Variants in SF3B1 observed in about 807,000 individuals in gnomAD.
SF3B1 encodes splicing factor 3b subunit 1.
In SF3B1, 12 loss-of-function variants were observed where a neutral mutation model predicts 153.8. That is an observed-to-expected ratio of 0.08 (90% CI 0.05 to 0.13). The LOEUF (loss-of-function observed/expected upper bound fraction) is 0.13. Ranked by LOEUF, SF3B1 falls within the 10% of genes least tolerant of loss-of-function variation. SF3B1 has a pLI of 1.00. For missense variants in SF3B1, 513 were observed against 1,606.1 expected (o/e 0.32, Z 11.63); for synonymous variants, 498 against 525.2 (o/e 0.95, Z 0.71).
At chr2:197,407,924 C>T (rs2085016202) in intron 9 of SF3B1, 74 bp downstream of exon 9, 1 of 1,407,860 alleles carries the variant, frequency 7.1e-7, no homozygotes, top group African/African-American at 1.4e-5. Context: ...CCAATGCAAG[C>T]TTAATCAATT....
In SF3B1 at chr2:197,402,506, C is replaced by A. The variant is rs1378581351; in HGVS notation, c.2077+50G>T. 2 of 1,537,718 alleles carry A rather than the reference C, an allele frequency of 1.3e-6. No individual in the cohort carries two copies. The highest frequency in any genetic ancestry group is 3.6e-5 in the Admixed American group (2 of 55,050). On this transcript the variant is annotated intron_variant, in intron 14 of 24. Coordinates refer to ENST00000335508, the MANE Select transcript of SF3B1 (RefSeq NM_012433.4). This position sits in a 1 kb window ranked among gnomAD's most constrained non-coding sequence, Gnocchi z 4.6. Reference sequence around the variant, plus strand: ...TCCAGTCTGGGCAACATAGTAAGACCCTGTCTCCTAAAGAAAAAAAAAAAA... The same window carrying A: ...TCCAGTCTGGGCAACATAGTAAGACACTGTCTCCTAAAGAAAAAAAAAAAA...
At chr2:197,411,926 T>C (rs996941756) in intron 6 of SF3B1, among the ~76,000 whole-genome samples, 1 of 151,742 alleles carries the variant, frequency 6.6e-6, no homozygotes, top group African/African-American at 2.4e-5. Flanking sequence ...CAAAAGCCCA[T>C]CTCTACTAAA....
At chr2:197,406,456 A>C (rs1476690074) in intron 9 of SF3B1, among the ~76,000 whole-genome samples, 1 of 152,178 alleles carries the variant, frequency 6.6e-6, no homozygotes, top group Non-Finnish European at 1.5e-5. Context: ...ATTTTGGATA[A>C]AGTGGATACT....
In SF3B1 at chr2:197,401,126, T is replaced by C. The variant is rs888001328; in HGVS notation, c.2497-190A>G. ...ATCGAAAAATGAGTATAAGTTAACA[T>C]GATTCAAGGTAAAACTGTGTCCATG... On this transcript the variant is annotated intron_variant, in intron 17 of 24. Transcript: ENST00000335508. This position sits in a 1 kb window ranked among gnomAD's most constrained non-coding sequence, Gnocchi z 4.2. Among the ~76,000 whole-genome samples, 2 of 152,200 alleles carry C rather than the reference T, an allele frequency of 1.3e-5. No homozygotes were observed. The highest frequency in any genetic ancestry group is 6.5e-5 in the Admixed American group (1 of 15,282).
chr2:197,397,044 T>A (rs2084883060), intron 22 of SF3B1, among the ~76,000 whole-genome samples: 1 of 152,230 alleles, frequency 6.6e-6, no homozygotes, highest in Admixed American at 6.5e-5. Context: ...ACATGTGGTG[T>A]CTCGTTTTCT....
chr2:197,427,044 T>C (rs189913149), intron 1 of SF3B1, among the ~76,000 whole-genome samples: 1 of 152,342 alleles, frequency 6.6e-6, no homozygotes, highest in East Asian at 1.9e-4. Context: ...TAATTTCAGC[T>C]ACTGAATTTT....
intron 9 of SF3B1, among the ~76,000 whole-genome samples, chr2:197,405,913 C>A (rs2084986155): frequency 6.6e-6 from 1 of 151,976 alleles, no homozygotes; most frequent in Non-Finnish European, 1.5e-5. Context: ...CACATAAATT[C>A]TTGCACTACA....
chr2:197,403,600 A>G lies in SF3B1; in HGVS notation c.1704T>C (p.Arg568=), dbSNP rs1194177502. 6.4e-7 allele frequency: 1 copy of G among 1,562,638 alleles called. No individual in the cohort carries two copies. Among genetic ancestry groups the G allele is most frequent in the Non-Finnish European group, 8.6e-7 (1 of 1,163,752 alleles). ...GAGAACAAACCTTATGCACATATGG[A>G]CGAACTAAGTCATCAAGTTTGTACA... The part of the protein sequence containing the change: ...RILYKLDDLV[R]PYVHKILVVI... The change falls in exon 12 of 25, where the codon CGT becomes CGC. Residue 568 remains arginine (R), a synonymous_variant. Transcript: ENST00000335508.
chr2:197,420,472 C>T lies in SF3B1; in HGVS notation c.371G>A (p.Arg124Gln), dbSNP rs2106010524. ...DREDEYKKHR[R>Q]TMIISPERLD... ...ACGCTCTGGGGAAATTATCATGGTC[C>T]GCCTATGCTTTTTGTATTCATCTTC... Residue 124 changes from arginine (R) to glutamine (Q), a missense_variant, in exon 4 of 25, where the codon CGG (arginine) becomes CAG (glutamine). Physicochemically the swap from Arg to Gln is conservative, Grantham distance 43. Transcript: ENST00000335508. The T allele has an allele frequency of 6.2e-7, 1 of 1,613,336 alleles. No individual in the cohort carries two copies. The highest frequency in any genetic ancestry group is 8.5e-7 in the Non-Finnish European group (1 of 1,179,476).
In SF3B1 at chr2:197,400,807, T is replaced by C. The variant is rs1420225876; in HGVS notation, c.2626A>G (p.Met876Val). 1 of 1,613,088 alleles carries C rather than the reference T, an allele frequency of 6.2e-7. No homozygotes were observed. Among genetic ancestry groups the C allele is most frequent in the South Asian group, 1.1e-5 (1 of 91,070 alleles). Residue 876 changes from methionine to valine, a missense_variant, in exon 18 of 25, where the codon ATG becomes GTG. Physicochemically the swap from Met to Val is conservative, Grantham distance 21. Transcript: ENST00000335508. The surrounding 1 kb of genome is among the most constrained non-coding windows in gnomAD (Gnocchi z 5.0). ...KMVMETIEKI[M>V]GNLGAADIDH... ...ATATCTGCTGCTCCCAAATTACCCATAATTTTCTCAATTGTCTCCATCACC... is the reference window on the plus strand; with the variant it reads ...ATATCTGCTGCTCCCAAATTACCCACAATTTTCTCAATTGTCTCCATCACC...
chr2:197,393,673 G>A (rs1023250452), intron 23 of SF3B1, among the ~76,000 whole-genome samples: 4 of 151,746 alleles, frequency 2.6e-5, no homozygotes, highest in Admixed American at 6.6e-5. Context: ...GGATGGTCTC[G>A]ATCTCTTGAC....
Position 197,421,044 on chromosome 2 carries a change from T to C in SF3B1, c.285A>G (p.Pro95=). ...HAPVALLNDI[P]QSTEQYDPFA... ...GAAAGATCACCTGTTCTGTTGACTG[T>C]GGTATATCATTAAGCAATGCCACAG... Residue 95 remains proline, a synonymous_variant, in exon 3 of 25, where the codon CCA becomes CCG. Transcript: ENST00000335508. 2.5e-6 allele frequency: 4 copies of C among 1,605,636 alleles called. No homozygotes were observed. The highest frequency in any genetic ancestry group is 3.4e-6 in the Non-Finnish European group (4 of 1,173,232).
intron 2 of SF3B1, among the ~76,000 whole-genome samples, chr2:197,423,382 A>C (rs977713144): frequency 3.9e-5 from 6 of 152,054 alleles, no homozygotes; most frequent in Non-Finnish European, 8.8e-5. Flanking sequence ...AAAAAAAAAA[A>C]AAAAGATAAG....
intron 6 of SF3B1, among the ~76,000 whole-genome samples, chr2:197,411,023 C>T (rs147698213): frequency 6.6e-6 from 1 of 152,160 alleles, no homozygotes; most frequent in East Asian, 1.9e-4. Context: ...CTGCAGTCTC[C>T]ACCTACCAAG....
At chr2:197,419,765 G>C (rs2085210201) in intron 4 of SF3B1, 1 of 223,350 alleles carries the variant, frequency 4.5e-6, no homozygotes, top group Non-Finnish European at 8.9e-6. Flanking sequence ...AGGCTGAAAA[G>C]TCTAGTATGT....
At chr2:197,411,168 TA>T (rs2085061875) in intron 6 of SF3B1, among the ~76,000 whole-genome samples, 2 of 152,176 alleles carry the variant, frequency 1.3e-5, no homozygotes, top group African/African-American at 4.8e-5. Context: ...GAGGTGGGTT[TA>T]AGTAACATCA....
intron 3 of SF3B1, 55 bp downstream of exon 3, chr2:197,420,974 C>G: frequency 9.3e-7 from 1 of 1,074,844 alleles, no homozygotes; most frequent in African/African-American, 1.6e-5. Flanking sequence ...TATGGGAACT[C>G]AGACATTCAC....
chr2:197,420,380 A>T, intron 4 of SF3B1, 48 bp downstream of exon 4: 1 of 1,410,550 alleles, frequency 7.1e-7, no homozygotes, highest in South Asian at 1.2e-5. Flanking sequence ...AAGACAACTT[A>T]ATACAAATAA....
intron 1 of SF3B1, among the ~76,000 whole-genome samples, chr2:197,426,703 T>C (rs966187428): frequency 6.6e-6 from 1 of 152,010 alleles, no homozygotes; most frequent in Non-Finnish European, 1.5e-5. Context: ...ACTCTGAAAC[T>C]CCAACTCAGG....
Sources: allele counts gnomAD v4.1 joint callset (sites outside exome capture counted in the v4.1 genomes callset), GRCh38; gene constraint gnomAD v4.1.1; non-coding constraint Gnocchi (gnomAD v3.1); transcripts MANE v1.5; gene names NCBI Gene and HGNC (gene_info 2026-07-23, HGNC 2026-07-21).